RORA: variants seen among roughly 807,000 people sequenced by gnomAD.
The protein encoded by RORA is RAR related orphan receptor A, also known as nuclear receptor ROR-alpha.
In RORA, 7 loss-of-function variants were observed where a neutral mutation model predicts 69.5. That is an observed-to-expected ratio of 0.10 (90% CI 0.06 to 0.19). The LOEUF is 0.19. RORA is among the 10% of genes least tolerant of loss of function. The pLI is 1.00. For missense variants in RORA, 457 were observed against 663.0 expected, an observed-to-expected ratio of 0.69 and a Z score of 3.41; for synonymous variants, 261 against 240.8, an observed-to-expected ratio of 1.08 and a Z score of -0.78.
intron 1 of RORA, among the ~76,000 whole-genome samples, chr15:61,137,051 G>GAAAT (rs2079249392): frequency 3.5e-5 from 5 of 143,768 alleles, no homozygotes; most frequent in African/African-American, 1.4e-4. Context: ...AAGAAAGAAA[G>GAAAT]AAAGAAAGAA....
chr15:60,931,868 C>T (rs1892382568), intron 1 of RORA, among the ~76,000 whole-genome samples: 1 of 152,200 alleles, frequency 6.6e-6, no homozygotes. Context: ...ATATTGATTC[C>T]TTCAATATTA....
At chr15:60,868,620 C>T (rs1367785296) in intron 1 of RORA, among the ~76,000 whole-genome samples, 1 of 152,058 alleles carries the variant, frequency 6.6e-6, no homozygotes, top group Admixed American at 6.5e-5. Context: ...GATGGAGTGG[C>T]CTTTAGGCTT....
intron 1 of RORA, among the ~76,000 whole-genome samples, chr15:61,025,099 G>A (rs568290516): frequency 6.6e-6 from 1 of 152,202 alleles, no homozygotes; most frequent in African/African-American, 2.4e-5. Context: ...AAACAGACAG[G>A]ACGCAAACCC....
chr15:61,123,331 T>C (rs938426987), intron 1 of RORA, among the ~76,000 whole-genome samples: 1 of 152,094 alleles, frequency 6.6e-6, no homozygotes, highest in Non-Finnish European at 1.5e-5. Context: ...GCTTCGTTCA[T>C]TCACTCACAG....
chr15:60,700,755 T>C (rs1264951591), intron 1 of RORA, among the ~76,000 whole-genome samples: 3 of 152,208 alleles, frequency 2.0e-5, no homozygotes, highest in Admixed American at 2.0e-4. Flanking sequence ...CTGTTCCTTC[T>C]TCTAGGGATG....
intron 1 of RORA, among the ~76,000 whole-genome samples, chr15:61,179,204 G>A (rs181491467): frequency 1.8e-4 from 27 of 152,306 alleles, no homozygotes; most frequent in East Asian, 9.6e-4. Flanking sequence ...AGTGTGGTCC[G>A]TGGTCCCTTG....
intron 1 of RORA, among the ~76,000 whole-genome samples, chr15:60,940,857 G>T (rs748428603): frequency 3.3e-5 from 5 of 152,150 alleles, no homozygotes; most frequent in Non-Finnish European, 7.4e-5. Context: ...AACTCGGGAG[G>T]CAAAGCTTGC....
At chr15:60,691,045 T>C (rs2070815357) in intron 1 of RORA, among the ~76,000 whole-genome samples, 1 of 152,176 alleles carries the variant, frequency 6.6e-6, no homozygotes, top group Non-Finnish European at 1.5e-5. Flanking sequence ...GTCTCACCCA[T>C]CTCATTCTTC....
chr15:60,866,836 CT>C (rs1328271414), intron 1 of RORA, among the ~76,000 whole-genome samples: 1 of 151,268 alleles, frequency 6.6e-6, no homozygotes, highest in African/African-American at 2.4e-5. Flanking sequence ...ATCTATCTAT[CT>C]ATCTATCTAT....
intron 2 of RORA, among the ~76,000 whole-genome samples, chr15:60,657,982 A>G (rs17303083): frequency 0.16 from 23,781 of 152,072 alleles, 1,935 homozygotes; most frequent in East Asian, 0.22. Context: ...AAATATTTAG[A>G]TGGTGCATTC....
intron 1 of RORA, among the ~76,000 whole-genome samples, chr15:60,740,027 TCTC>T (rs1345881332): frequency 2.6e-5 from 4 of 151,988 alleles, no homozygotes; most frequent in Non-Finnish European, 4.4e-5. Context: ...CAACCTCTCT[TCTC>T]CTCACCTGAC....
rs1040791633 is a variant in RORA at position 60,511,036 on chromosome 15, C to A, written c.820+190G>T. 6.6e-6 allele frequency among the ~76,000 whole-genome samples: 1 copy of A among 152,110 alleles called. No homozygotes were observed. Among genetic ancestry groups the A allele is most frequent in the Non-Finnish European group, 1.5e-5 (1 of 68,024 alleles). ...CATTTCTAATGCTGAGAGGTCAATG[C>A]ATGTATTGGATAAACCATGGGAAAC... On this transcript the variant is annotated intron_variant, in intron 5 of 10. Coordinates refer to ENST00000335670, the MANE Select transcript of RORA (RefSeq NM_134261.3). This position sits in a 1 kb window ranked among gnomAD's most constrained non-coding sequence, Gnocchi z 6.4.
At chr15:60,689,330 C>A (rs761501365) in intron 1 of RORA, among the ~76,000 whole-genome samples, 5 of 152,104 alleles carry the variant, frequency 3.3e-5, no homozygotes, top group African/African-American at 4.8e-5. Flanking sequence ...GGAAAAAAGG[C>A]CCATATGTCC....
chr15:61,173,264 G>T (rs891052989), intron 1 of RORA, among the ~76,000 whole-genome samples: 29 of 152,038 alleles, frequency 1.9e-4, no homozygotes, highest in African/African-American at 6.5e-4. Context: ...TGAAAGTGGT[G>T]GTACAAATCT....
chr15:60,601,546 CA>C (rs1233225987), intron 2 of RORA, among the ~76,000 whole-genome samples: 1 of 152,042 alleles, frequency 6.6e-6, no homozygotes, highest in Non-Finnish European at 1.5e-5. Flanking sequence ...GACTCCAAAC[CA>C]AAAACATCTG....
At chr15:60,840,769 G>A (rs1277345391) in intron 1 of RORA, among the ~76,000 whole-genome samples, 1 of 152,200 alleles carries the variant, frequency 6.6e-6, no homozygotes, top group African/African-American at 2.4e-5. Context: ...GACAAGGGGA[G>A]GATGCCTTCA....
At chr15:60,549,549 A>G (rs889398874) in intron 2 of RORA, among the ~76,000 whole-genome samples, 2 of 152,208 alleles carry the variant, frequency 1.3e-5, no homozygotes, top group Admixed American at 6.5e-5. Context: ...CAGTGGTAGT[A>G]TACTATTTTT....
chr15:61,130,243 G>A (rs1229076887), intron 1 of RORA, among the ~76,000 whole-genome samples: 1 of 152,148 alleles, frequency 6.6e-6, no homozygotes, highest in Admixed American at 6.5e-5. Flanking sequence ...ACTCATATTT[G>A]TTTTGGAAGG....
intron 1 of RORA, among the ~76,000 whole-genome samples, chr15:61,190,839 G>A (rs2079792054): frequency 2.0e-5 from 3 of 152,196 alleles, no homozygotes; most frequent in South Asian, 4.1e-4. Context: ...GTATGTGTGT[G>A]TGTGTATGGT....
Sources: allele counts gnomAD v4.1 joint callset (sites outside exome capture counted in the v4.1 genomes callset), GRCh38; gene constraint gnomAD v4.1.1; non-coding constraint Gnocchi (gnomAD v3.1); transcripts MANE v1.5; gene names NCBI Gene and HGNC (gene_info 2026-07-23, HGNC 2026-07-21).